FBXL18: variants seen among roughly 807,000 people sequenced by gnomAD.
FBXL18 encodes the protein F-box and leucine rich repeat protein 18.
Under a neutral mutation model 46.0 loss-of-function variants are expected in FBXL18, and 36 were observed. The observed-to-expected ratio is 0.78, with a 90% CI of 0.60 to 1.03. The LOEUF (loss-of-function observed/expected upper bound fraction) is 1.03, where lower values mean the gene tolerates loss of function less well. Among genes scored for constraint, FBXL18 ranks in the 50% least tolerant of loss-of-function variants. The pLI is 0.00. For synonymous variants in FBXL18, 557 were observed against 465.3 expected (o/e 1.20, Z -2.54); for missense variants, 977 against 1,004.1 (o/e 0.97, Z 0.36).
chr7:5,469,562 T>G (rs1584188569), intron 4 of FBXL18, among the ~76,000 whole-genome samples: 3 of 149,528 alleles, frequency 2.0e-5, no homozygotes, highest in South Asian at 2.1e-4. Context: ...GTGGGGGGGG[T>G]GTACGTGCAA....
intron 2 of FBXL18, among the ~76,000 whole-genome samples, chr7:5,502,405 T>G (rs1259130164): frequency 6.6e-6 from 1 of 151,266 alleles, no homozygotes; most frequent in Non-Finnish European, 1.5e-5. Flanking sequence ...CATGGTGGTG[T>G]GCGCCTTTTA....
chr7:5,505,671 G>A (rs1382638907), intron 1 of FBXL18, 41 bp from the exon 2 acceptor site: 4 of 1,564,630 alleles, frequency 2.6e-6, no homozygotes, highest in East Asian at 2.2e-5. Context: ...GATCCCCAAG[G>A]ATGGCTGTCA....
chr7:5,495,086 G>A (rs1290003653), intron 3 of FBXL18, among the ~76,000 whole-genome samples: 3 of 152,148 alleles, frequency 2.0e-5, no homozygotes, highest in Non-Finnish European at 4.4e-5. Context: ...CGAGTGACCG[G>A]CAGCGTCTGC....
rs551414317 is a variant in FBXL18 at position 5,482,413 on chromosome 7, CAGT to C, written c.2001-485_2001-483del. On this transcript the variant is annotated intron_variant, in intron 4 of 4. Coordinates refer to ENST00000382368, the MANE Select transcript of FBXL18 (RefSeq NM_024963.6). ...GACTGCCAAGTCAGTGAGGCAGCAGCAGTCGCTGGGAGGAGCAGATACCCAGGT... is the reference window on the plus strand; with the variant it reads ...GACTGCCAAGTCAGTGAGGCAGCAGCCGCTGGGAGGAGCAGATACCCAGGT... 2.0e-3 allele frequency among the ~76,000 whole-genome samples: 310 copies of C among 152,326 alleles called. 12 individuals carry two copies. In the South Asian group the frequency reaches 0.06, roughly 29 times the overall value.
At chr7:5,488,714 C>T (rs1180898515) in intron 4 of FBXL18, among the ~76,000 whole-genome samples, 1 of 152,208 alleles carries the variant, frequency 6.6e-6, no homozygotes, top group Non-Finnish European at 1.5e-5. Flanking sequence ...CAGCCGCAAG[C>T]GCAAGCGTAT....
chr7:5,506,071 G>T (rs1784387738), intron 1 of FBXL18, among the ~76,000 whole-genome samples: 1 of 151,852 alleles, frequency 6.6e-6, no homozygotes, highest in Admixed American at 6.6e-5. Flanking sequence ...TCCCTATGTT[G>T]CTCAGGCTGA....
chr7:5,490,478 C>T (rs761961533), intron 4 of FBXL18, among the ~76,000 whole-genome samples: 10 of 152,178 alleles, frequency 6.6e-5, no homozygotes, highest in Non-Finnish European at 1.5e-4. Flanking sequence ...CGAGGGGAAG[C>T]GGAGATGCTA....
At chr7:5,495,402 G>A (rs921613410) in intron 3 of FBXL18, among the ~76,000 whole-genome samples, 2 of 152,204 alleles carry the variant, frequency 1.3e-5, no homozygotes, top group African/African-American at 4.8e-5. Flanking sequence ...GTGACTCAGG[G>A]TGACACGCTC....
intron 4 of FBXL18, among the ~76,000 whole-genome samples, chr7:5,486,733 A>G (rs1236001876): frequency 1.3e-5 from 2 of 152,194 alleles, no homozygotes; most frequent in Non-Finnish European, 2.9e-5. Context: ...CAGAGACAGG[A>G]GGGTGATGGC....
At chr7:5,490,360 G>C (rs1307764213) in intron 4 of FBXL18, 1 of 954,848 alleles carries the variant, frequency 1.0e-6, no homozygotes. Context: ...CGCCTACCAA[G>C]CTCCAGCTCT....
intron 4 of FBXL18, among the ~76,000 whole-genome samples, chr7:5,488,429 G>A (rs78315112): frequency 3.9e-5 from 6 of 152,100 alleles, no homozygotes; most frequent in South Asian, 2.1e-4. Flanking sequence ...GAGCACAGCC[G>A]TCCTGAACTG....
intron 4 of FBXL18, among the ~76,000 whole-genome samples, chr7:5,487,924 G>A (rs1277650203): frequency 1.3e-5 from 2 of 152,246 alleles, no homozygotes; most frequent in African/African-American, 4.8e-5. Flanking sequence ...GGCTTCTGCC[G>A]AGGAAGTCCT....
chr7:5,485,530 G>C (rs1419319986), intron 4 of FBXL18, among the ~76,000 whole-genome samples: 3 of 152,126 alleles, frequency 2.0e-5, no homozygotes, highest in Non-Finnish European at 2.9e-5. Flanking sequence ...ATAAAAAAGG[G>C]AGGCCAGGCG....
At chr7:5,506,620 G>A (rs992626554) in intron 1 of FBXL18, among the ~76,000 whole-genome samples, 2 of 150,628 alleles carry the variant, frequency 1.3e-5, no homozygotes, top group African/African-American at 2.5e-5. Flanking sequence ...GCAATGGTGC[G>A]ATCTTGGTTC....
chr7:5,469,765 G>A (rs1783399619), intron 4 of FBXL18, among the ~76,000 whole-genome samples: 2 of 152,100 alleles, frequency 1.3e-5, no homozygotes, highest in Admixed American at 1.3e-4. Flanking sequence ...TGGGGTGGAG[G>A]TGTGGACTCA....
rs1562700542 is a variant in FBXL18, at chr7:5,500,777, C to T, written c.1492G>A (p.Ala498Thr). 3.1e-6 allele frequency: 5 copies of T among 1,612,492 alleles called. No individual in the cohort carries two copies. The highest frequency in any genetic ancestry group is 3.4e-6 in the Non-Finnish European group (4 of 1,179,752). Residue 498 changes from alanine (A) to threonine (T), a missense_variant, in exon 3 of 5, where the codon GCC becomes ACC. Ala to Thr is a moderately conservative substitution (Grantham distance 58). Transcript: ENST00000382368. ...ATGGCGGGCTCGTTGCGGGGCATGG[C>T]GGAGGAGAAGTTGGACCCAATCAGC... ...LELIGSNFSSAMPRNEPAIRN... is the reference protein window; with the variant it reads ...LELIGSNFSSTMPRNEPAIRN...
At position 5,481,661 on chromosome 7, in the gene FBXL18, T is replaced by C; in HGVS notation, c.*114A>G. On this transcript the variant is annotated 3_prime_UTR_variant, in exon 5 of 5. Transcript: ENST00000382368. Reference sequence around the variant, plus strand: ...GGAGCCCCAGGAGCCAGGTGGGGCGTGGCTGGCCGGGAGAGAGGCCCCCTT... The same window carrying C: ...GGAGCCCCAGGAGCCAGGTGGGGCGCGGCTGGCCGGGAGAGAGGCCCCCTT... 8.7e-7 allele frequency: 1 copy of C among 1,148,810 alleles called. No homozygotes were observed. The highest frequency in any genetic ancestry group is 1.3e-6 in the Non-Finnish European group (1 of 795,968). 71.2% of individuals were successfully genotyped at this position (1,148,810 alleles called of 1,614,324 possible). A position where few individuals can be genotyped will look rare whatever the true frequency, so the allele number is the denominator to read the frequency against.
intron 4 of FBXL18, among the ~76,000 whole-genome samples, chr7:5,470,379 C>T (rs1352181636): frequency 1.3e-5 from 2 of 152,110 alleles, no homozygotes; most frequent in Non-Finnish European, 2.9e-5. Flanking sequence ...GGGTACCCAG[C>T]GCAGGCCCGG....
intron 3 of FBXL18, among the ~76,000 whole-genome samples, chr7:5,493,541 C>T (rs13247203): frequency 0.24 from 36,788 of 151,968 alleles, 4,967 homozygotes; most frequent in Middle Eastern, 0.3. Flanking sequence ...TTGCTCCACC[C>T]GCCTCAGCCT....
Sources: allele counts gnomAD v4.1 joint callset (sites outside exome capture counted in the v4.1 genomes callset), GRCh38; gene constraint gnomAD v4.1.1; transcripts MANE v1.5; gene names NCBI Gene and HGNC (gene_info 2026-07-23, HGNC 2026-07-21).